Variants in EYS observed in about 807,000 individuals in gnomAD.
EYS encodes the protein EGF-like photoreceptor maintenance factor, also known as protein eyes shut homolog.
A neutral mutation model predicts 282.1 loss-of-function variants in EYS; 250 were observed. The observed-to-expected ratio is 0.89, with a 90% CI of 0.80 to 0.98. The LOEUF (loss-of-function observed/expected upper bound fraction) is 0.98, where lower values mean the gene tolerates loss of function less well. Among genes scored for constraint, EYS ranks in the 50% least tolerant of loss-of-function variants. The pLI is 0.00. For synonymous variants in EYS, 1,355 were observed against 1,282.9 expected (o/e 1.06, Z -1.20); for missense variants, 4,016 against 3,709.0 (o/e 1.08, Z -2.15).
intron 22 of EYS, among the ~76,000 whole-genome samples, chr6:64,650,117 A>C (rs1243481914): frequency 6.6e-6 from 1 of 152,080 alleles, no homozygotes; most frequent in Non-Finnish European, 1.5e-5. Context: ...GTTAAAGAGA[A>C]AATATAAATT....
chr6:65,319,389 A>AAT lies in EYS; in HGVS notation c.1766+15589_1766+15590dup, dbSNP rs531016770. 8.1e-3 allele frequency among the ~76,000 whole-genome samples: 1,219 copies of AAT among 150,216 alleles called. 13 individuals carry two copies. The highest frequency in any genetic ancestry group is 0.027 in the African/African-American group (1,112 of 40,976). ...AGTGAGTCTCCATCTCAAAAAAAATAATATATATATATATTTTTAATTAAA... is the reference window on the plus strand; with the variant it reads ...AGTGAGTCTCCATCTCAAAAAAAATAATATATATATATATATTTTTAATTAAA... On this transcript the variant is annotated intron_variant, in intron 11 of 42. Transcript: ENST00000503581.
Position 65,689,838 on chromosome 6 carries a change from T to C in EYS, c.-448+17297A>G, listed in dbSNP as rs1220859789. On this transcript the variant is annotated intron_variant, in intron 1 of 42. Coordinates refer to ENST00000503581, the MANE Select transcript of EYS (RefSeq NM_001142800.2). ...GTGGGATCTGGCCAGCAGCCCTCAA[T>C]GCAATGGGGATCTCTCTTTGTTCCC... 1.3e-5 allele frequency among the ~76,000 whole-genome samples: 2 copies of C among 149,792 alleles called. 1 individual carries two copies. Among genetic ancestry groups the C allele is most frequent in the Non-Finnish European group, 3.0e-5 (2 of 67,606 alleles).
rs565418643 is a variant in EYS, at chr6:65,335,023, A to G, written c.1723T>C (p.Cys575Arg). Residue 575 changes from cysteine to arginine, a missense_variant, in exon 11 of 43, where the codon TGT (cysteine) becomes CGT (arginine). Coordinates refer to ENST00000503581, the MANE Select transcript of EYS (RefSeq NM_001142800.2). ...TCTTTACAAACAGCTTCATGTTGAC[A>G]CTCATTTTCTTGATCATCAGTTGTA... is the stretch of plus-strand genomic sequence containing the variant. ...ENTTDDQENE[C>R]QHEAVCKDEI... 1.9e-6 allele frequency: 3 copies of G among 1,610,986 alleles called. No individual in the cohort carries two copies. The African/African-American group carries it at 4.0e-5, about 22-fold the overall frequency.
intron 26 of EYS, among the ~76,000 whole-genome samples, chr6:64,463,981 T>A (rs1302462707): frequency 6.6e-6 from 1 of 152,030 alleles, no homozygotes; most frequent in Non-Finnish European, 1.5e-5. Flanking sequence ...CCAGATAAGG[T>A]CACAACAAAA....
At chr6:65,404,446 T>C (rs1000408375) in intron 6 of EYS, among the ~76,000 whole-genome samples, 2 of 152,016 alleles carry the variant, frequency 1.3e-5, no homozygotes, top group African/African-American at 2.4e-5. Context: ...GGGGCATACA[T>C]AGTCTGCTTA....
intron 26 of EYS, among the ~76,000 whole-genome samples, chr6:64,568,564 T>G (rs982333722): frequency 3.3e-5 from 5 of 152,164 alleles, no homozygotes; most frequent in Non-Finnish European, 7.4e-5. Flanking sequence ...TTCAGCAGAC[T>G]TAAATGTTCC....
At chr6:65,649,913 C>T (rs946919967) in intron 1 of EYS, among the ~76,000 whole-genome samples, 9 of 151,948 alleles carry the variant, frequency 5.9e-5, no homozygotes, top group Non-Finnish European at 1.2e-4. Context: ...AGTTAAAATT[C>T]ATGAATAAAA....
intron 1 of EYS, among the ~76,000 whole-genome samples, chr6:65,640,858 A>C (rs186118113): frequency 5.8e-4 from 88 of 151,760 alleles, no homozygotes; most frequent in Non-Finnish European, 6.5e-4. Context: ...TCTGTCATTG[A>C]CCATTTCTGA....
At chr6:65,348,704 G>C (rs114158652) in intron 9 of EYS, among the ~76,000 whole-genome samples, 2,704 of 151,646 alleles carry the variant, frequency 0.018, 85 homozygotes, top group African/African-American at 0.063. Flanking sequence ...TTCTACAGAA[G>C]CATTTTAACT....
intron 12 of EYS, among the ~76,000 whole-genome samples, chr6:65,230,326 T>TG (rs1766734931): frequency 6.6e-6 from 1 of 151,286 alleles, no homozygotes; most frequent in African/African-American, 2.4e-5. Context: ...TAAAAATAAT[T>TG]GGCGAATAGC....
intron 26 of EYS, among the ~76,000 whole-genome samples, chr6:64,449,700 C>T (rs374913531): frequency 3.3e-5 from 5 of 151,984 alleles, no homozygotes; most frequent in Admixed American, 1.3e-4. Flanking sequence ...GGGGCCAATA[C>T]TCAACATTCT....
At chr6:64,166,798 G>T (rs1764303650) in intron 31 of EYS, among the ~76,000 whole-genome samples, 1 of 152,168 alleles carries the variant, frequency 6.6e-6, no homozygotes, top group African/African-American at 2.4e-5. Context: ...ACTGATCCCA[G>T]TTTACCTGCT....
intron 33 of EYS, among the ~76,000 whole-genome samples, chr6:64,013,664 CT>C (rs920048662): frequency 2.6e-5 from 4 of 151,444 alleles, no homozygotes; most frequent in East Asian, 1.9e-4. Flanking sequence ...CCACCCCACC[CT>C]TTTTTTTTCC....
chr6:64,912,873 C>T, intron 15 of EYS, 130 bp from the exon 16 acceptor site: 3 of 488,080 alleles, frequency 6.1e-6, no homozygotes, highest in African/African-American at 2.0e-5. Context: ...ATAAATAATA[C>T]ATAGTTTTAA....
chr6:65,243,163 T>G (rs2150277219), intron 12 of EYS, among the ~76,000 whole-genome samples: 1 of 152,330 alleles, frequency 6.6e-6, no homozygotes, highest in South Asian at 2.1e-4. Context: ...TTCATTCACT[T>G]GTTTTTTTGT....
chr6:64,085,460 C>T (rs1445449455), intron 31 of EYS, among the ~76,000 whole-genome samples: 2 of 152,126 alleles, frequency 1.3e-5, no homozygotes, highest in Non-Finnish European at 2.9e-5. Context: ...TCTCCAAACA[C>T]ATTGTCAGGT....
At chr6:64,010,449 C>A (rs576204769) in intron 33 of EYS, among the ~76,000 whole-genome samples, 12 of 151,648 alleles carry the variant, frequency 7.9e-5, no homozygotes, top group Non-Finnish European at 1.3e-4. Flanking sequence ...CCTGTAATTT[C>A]TCTTTTTAAA....
At chr6:63,797,359 C>T (rs750064903) in intron 37 of EYS, 16 of 152,140 alleles carry the variant, frequency 1.1e-4, no homozygotes, top group Non-Finnish European at 2.1e-4. Context: ...ACGTGAGAAA[C>T]AAGACCCAAA....
At chr6:65,405,922 T>C (rs1766716685) in intron 5 of EYS, among the ~76,000 whole-genome samples, 1 of 152,100 alleles carries the variant, frequency 6.6e-6, no homozygotes, top group Non-Finnish European at 1.5e-5. Context: ...TTTATATTTC[T>C]TGAAAAGAAT....
Sources: allele counts gnomAD v4.1 joint callset (sites outside exome capture counted in the v4.1 genomes callset), GRCh38; gene constraint gnomAD v4.1.1; transcripts MANE v1.5; gene names NCBI Gene and HGNC (gene_info 2026-07-23, HGNC 2026-07-21).